The following SPON2 variants were observed in gnomAD, a reference collection of about 807,000 sequenced individuals.
SPON2 encodes spondin 2, also known as spondin-2.
In SPON2, 32 loss-of-function variants were observed where a neutral mutation model predicts 29.9. The ratio of observed to expected loss-of-function variants is 1.07; its 90% CI spans 0.81 to 1.44. The LOEUF (loss-of-function observed/expected upper bound fraction) is 1.44. SPON2 is among the 40% of genes most tolerant of loss of function. SPON2 has a pLI of 0.00. For synonymous variants in SPON2, 248 were observed against 209.1 expected, an observed-to-expected ratio of 1.19 and a Z score of -1.61; for missense variants, 541 against 455.5, an observed-to-expected ratio of 1.19 and a Z score of -1.71.
At chr4:1,185,399 T>G (rs192138152) in intron 1 of SPON2, among the ~76,000 whole-genome samples, 1 of 151,666 alleles carries the variant, frequency 6.6e-6, no homozygotes, top group Admixed American at 6.6e-5. Flanking sequence ...TGACAAATGG[T>G]GTTGGAAAAC....
chr4:1,205,662 G>A (rs1728324175), intron 1 of SPON2, among the ~76,000 whole-genome samples: 1 of 152,202 alleles, frequency 6.6e-6, no homozygotes, highest in African/African-American at 2.4e-5. Flanking sequence ...GGGGGCCCAG[G>A]GAGGGGCATC....
chr4:1,185,575 G>C (rs1249539750), intron 1 of SPON2, among the ~76,000 whole-genome samples: 1 of 151,508 alleles, frequency 6.6e-6, no homozygotes, highest in Non-Finnish European at 1.5e-5. Context: ...AGGCATGGTA[G>C]CACATGCCTG....
Position 1,202,794 on chromosome 4 carries a change from C to T in SPON2, c.-234+5086G>A, listed in dbSNP as rs1209199485. Among the ~76,000 whole-genome samples, 1 of 152,208 alleles carries T rather than the reference C, an allele frequency of 6.6e-6. No individual in the cohort carries two copies. The highest frequency in any genetic ancestry group is 6.5e-5 in the Admixed American group (1 of 15,288). On this transcript the variant is annotated intron_variant, in intron 1 of 3. Coordinates refer to the SPON2 transcript ENST00000509233. The surrounding 1 kb of genome is among the most constrained non-coding windows in gnomAD (Gnocchi z 5.4). Reference sequence around the variant, plus strand: ...AGCAACATGCTTTGAAATCTGGGTGCAGGCCACCATCGCCTGCAGTGTCAG... The same window carrying T: ...AGCAACATGCTTTGAAATCTGGGTGTAGGCCACCATCGCCTGCAGTGTCAG...
At position 1,167,303 on chromosome 4, in the gene SPON2, T is replaced by C; in HGVS notation, c.*169A>G. The C allele has an allele frequency of 1.6e-6, 1 of 643,014 alleles. No homozygotes were observed. Among genetic ancestry groups the C allele is most frequent in the South Asian group, 2.4e-5 (1 of 41,354 alleles). The allele number at this position is 643,014 out of a possible 1,614,324, so 39.8% of individuals were successfully genotyped here. A position where few individuals can be genotyped will look rare whatever the true frequency, so the allele number is the denominator to read the frequency against. ...GGAGGAGGCTGTTTCCCAATGCCCG[T>C]GCCGGCCACCAGAGGGCCCTTCAGT... On this transcript the variant is annotated 3_prime_UTR_variant, in exon 6 of 6. Coordinates refer to ENST00000290902, the MANE Select transcript of SPON2 (RefSeq NM_012445.4).
At chr4:1,200,774 C>T in intron 1 of SPON2, 1 of 455,960 alleles carries the variant, frequency 2.2e-6, no homozygotes, top group Non-Finnish European at 4.4e-6. Flanking sequence ...TGCAGCCCCC[C>T]ACCCCTCTGG....
At chr4:1,168,681 G>A (rs1052442580) in intron 5 of SPON2, among the ~76,000 whole-genome samples, 5 of 152,218 alleles carry the variant, frequency 3.3e-5, no homozygotes, top group Non-Finnish European at 5.9e-5. Context: ...GACTGAAACC[G>A]AGGTGGTGGG....
In SPON2 at chr4:1,172,075, C is replaced by CT. The variant is rs765448394; in HGVS notation, c.-3-2dup. 3 of 1,610,336 alleles carry CT rather than the reference C, an allele frequency of 1.9e-6. No individual in the cohort carries two copies. The highest frequency in any genetic ancestry group is 1.1e-5 in the South Asian group (1 of 90,924). On this transcript the variant is annotated splice_acceptor_variant, in intron 1 of 5. Transcript: ENST00000290902. LOFTEE classifies it low-confidence loss of function (5UTR_SPLICE). Reference sequence around the variant, plus strand: ...CGGCCGGGCTGGGGTTTTCCATCACCTGGGAGCACAGAGGGGAGCAGCCGC... The same window carrying CT: ...CGGCCGGGCTGGGGTTTTCCATCACCTTGGGAGCACAGAGGGGAGCAGCCGC...
At chr4:1,191,504 G>A (rs1372812781) in intron 1 of SPON2, among the ~76,000 whole-genome samples, 1 of 152,222 alleles carries the variant, frequency 6.6e-6, no homozygotes, top group Non-Finnish European at 1.5e-5. Flanking sequence ...AAAGTCGTGA[G>A]TTTTGGCCCA....
chr4:1,199,575 C>T (rs931459367), upstream of SPON2: 4 of 152,228 alleles, frequency 2.6e-5, no homozygotes, highest in Admixed American at 2.6e-4. The surrounding 1 kb of genome is among the most constrained non-coding windows in gnomAD (Gnocchi z 4.5). Flanking sequence ...GGTTAGGATG[C>T]TGTATGGAGC....
chr4:1,183,874 G>A (rs948931519), intron 1 of SPON2, among the ~76,000 whole-genome samples: 2 of 152,116 alleles, frequency 1.3e-5, no homozygotes, highest in African/African-American at 4.8e-5. Context: ...AAACCTAAAA[G>A]AAGACAGTAA....
chr4:1,184,789 T>C (rs1727761792), intron 1 of SPON2, among the ~76,000 whole-genome samples: 2 of 151,836 alleles, frequency 1.3e-5, no homozygotes, highest in South Asian at 4.2e-4. Flanking sequence ...TTTAAAAAAT[T>C]AGCCGGGTGT....
chr4:1,175,103 G>A (rs1190174761), upstream of SPON2, among the ~76,000 whole-genome samples: 1 of 152,230 alleles, frequency 6.6e-6, no homozygotes, highest in Non-Finnish European at 1.5e-5. Context: ...AGCGGCATGG[G>A]GCGGCTGTAC....
chr4:1,188,915 C>T (rs747121560), intron 1 of SPON2, among the ~76,000 whole-genome samples: 1 of 152,094 alleles, frequency 6.6e-6, no homozygotes. Flanking sequence ...GAATGTCTGA[C>T]AGAATAAACC....
In SPON2 at chr4:1,167,463, G is replaced by T. The variant is rs371056931; in HGVS notation, c.*9C>A. 1.2e-6 allele frequency: 2 copies of T among 1,610,326 alleles called. No homozygotes were observed. Among genetic ancestry groups the T allele is most frequent in the East Asian group, 2.2e-5 (1 of 44,814 alleles). On this transcript the variant is annotated 3_prime_UTR_variant, in exon 6 of 6. Transcript: ENST00000290902. Reference sequence around the variant, plus strand: ...TCCGGGGGGCCCCAGGGGCTGCGGGGCTCTGGTCTTAGACGCAGTTATCAG... The same window carrying T: ...TCCGGGGGGCCCCAGGGGCTGCGGGTCTCTGGTCTTAGACGCAGTTATCAG...
intron 1 of SPON2, among the ~76,000 whole-genome samples, chr4:1,200,238 G>A (rs915515362): frequency 1.1e-4 from 17 of 152,290 alleles, no homozygotes; most frequent in Middle Eastern, 6.8e-3. Flanking sequence ...TCTCTGACAC[G>A]TTCTTCCTGG....
Position 1,171,037 on chromosome 4 carries a change from GGGA to G in SPON2, c.595_597del (p.Ser199del), listed in dbSNP as rs1202982200. 1.3e-6 allele frequency: 2 copies of G among 1,549,178 alleles called. No homozygotes were observed. The highest frequency in any genetic ancestry group is 1.7e-6 in the Non-Finnish European group (2 of 1,146,110). On this transcript the variant is annotated inframe_deletion, in exon 4 of 6. Transcript: ENST00000290902. ...TCCTGCGGGATGGTGGCGAAGTTGGGGGAGGAGAAGGTGAAGCCGCTGTCCGTC... is the reference window on the plus strand; with the variant it reads ...TCCTGCGGGATGGTGGCGAAGTTGGGGGAGAAGGTGAAGCCGCTGTCCGTC...
chr4:1,175,755 G>A (rs953659814), upstream of SPON2, among the ~76,000 whole-genome samples: 3 of 150,654 alleles, frequency 2.0e-5, no homozygotes, highest in Admixed American at 2.0e-4. Flanking sequence ...GGCCTCGGGG[G>A]CTTCAGCTAG....
At position 1,202,917 on chromosome 4, in the gene SPON2, G is replaced by A. The variant is rs531567605; in HGVS notation, c.-234+4963C>T. The stretch of plus-strand genomic sequence containing the variant: ...CCTGAGCCATGGCTGGGGCGGCCAA[G>A]GAGGGCTGGGCCAGGATCGGGGGAG... On this transcript the variant is annotated intron_variant, in intron 1 of 3. Coordinates refer to the SPON2 transcript ENST00000509233. This position sits in a 1 kb window ranked among gnomAD's most constrained non-coding sequence, Gnocchi z 5.4. 1.2e-4 allele frequency among the ~76,000 whole-genome samples: 19 copies of A among 152,382 alleles called. No individual in the cohort carries two copies. The South Asian group carries it at 3.7e-3, about 30-fold the overall frequency.
At chr4:1,200,610 C>G in intron 1 of SPON2, 1 of 350,448 alleles carries the variant, frequency 2.9e-6, no homozygotes, top group Admixed American at 3.8e-5. Flanking sequence ...GCCCCCACAA[C>G]AGCTGTTCCC....
Sources: allele counts gnomAD v4.1 joint callset (sites outside exome capture counted in the v4.1 genomes callset), GRCh38; gene constraint gnomAD v4.1.1; non-coding constraint Gnocchi (gnomAD v3.1); transcripts MANE v1.5; gene names NCBI Gene and HGNC (gene_info 2026-07-23, HGNC 2026-07-21).